PTTG1IP2: variants seen among roughly 807,000 people sequenced by gnomAD.
The protein encoded by PTTG1IP2 is PTTG1IP family member 2.
chr7:90,511,683 G>C (rs1025536835), intron 6 of PTTG1IP2, among the ~76,000 whole-genome samples: 1 of 152,038 alleles, frequency 6.6e-6, no homozygotes, highest in African/African-American at 2.4e-5. Context: ...TTGCCAGCTC[G>C]CTTTACTTTT....
At chr7:90,486,261 T>G (rs774555451) in intron 2 of PTTG1IP2, among the ~76,000 whole-genome samples, 10 of 152,152 alleles carry the variant, frequency 6.6e-5, no homozygotes, top group Non-Finnish European at 1.3e-4. Flanking sequence ...GCTCCCCTAT[T>G]TACTAGGTAT....
intron 6 of PTTG1IP2, among the ~76,000 whole-genome samples, chr7:90,505,783 G>T (rs1486652571): frequency 6.6e-6 from 1 of 151,744 alleles, no homozygotes; most frequent in African/African-American, 2.4e-5. Flanking sequence ...AGGAGATCGA[G>T]ACCATCCTGG....
chr7:90,476,507 A>T (rs887378614), intron 1 of PTTG1IP2, among the ~76,000 whole-genome samples: 8 of 152,170 alleles, frequency 5.3e-5, no homozygotes, highest in African/African-American at 1.7e-4. Context: ...AAATTTTTAA[A>T]ATAACAGCTC....
rs1210306583 is a variant in PTTG1IP2 at position 90,487,388 on chromosome 7, G to A, written c.254G>A (p.Arg85Gln). 3 of 152,478 alleles carry A rather than the reference G, an allele frequency of 2.0e-5. No homozygotes were observed. The highest frequency in any genetic ancestry group is 4.8e-5 in the African/African-American group (2 of 41,398). 9.4% of individuals were successfully genotyped at this position (152,478 alleles called of 1,614,324 possible). ...TACTGTTTTCCCTATTTCGGTTGTC[G>A]ATTCAGTTCTATATATTGGTTAAAC... ...KKYCFPYFGCRFSSIYWLNCK... is the reference protein window; with the variant it reads ...KKYCFPYFGCQFSSIYWLNCK... Residue 85 changes from arginine to glutamine, a missense_variant, in exon 3 of 7, where the codon CGA becomes CAA. Coordinates refer to ENST00000509356, the MANE Select transcript of PTTG1IP2 (RefSeq NM_001365443.2).
chr7:90,497,358 A>T (rs551677481), intron 6 of PTTG1IP2, among the ~76,000 whole-genome samples: 1 of 152,132 alleles, frequency 6.6e-6, no homozygotes, highest in Non-Finnish European at 1.5e-5. Flanking sequence ...AGGTCAGGAG[A>T]TCGAGACCAT....
chr7:90,491,493 C>T (rs773394607), intron 4 of PTTG1IP2, among the ~76,000 whole-genome samples: 4 of 151,716 alleles, frequency 2.6e-5, no homozygotes, highest in African/African-American at 9.7e-5. Context: ...CGTGGTGGCA[C>T]GCACCTATGG....
chr7:90,475,820 G>A (rs780174537), intron 1 of PTTG1IP2, among the ~76,000 whole-genome samples: 3 of 152,000 alleles, frequency 2.0e-5, no homozygotes, highest in Non-Finnish European at 2.9e-5. Context: ...TTAGCCAGGC[G>A]TGGTGGTGCA....
chr7:90,488,337 A>G (rs889987785), intron 3 of PTTG1IP2, among the ~76,000 whole-genome samples: 8 of 148,900 alleles, frequency 5.4e-5, no homozygotes, highest in Non-Finnish European at 1.2e-4. Flanking sequence ...CTCCTATTTC[A>G]TGTTTGCCCT....
intron 1 of PTTG1IP2, among the ~76,000 whole-genome samples, chr7:90,475,391 T>A (rs1797736325): frequency 6.6e-6 from 1 of 152,164 alleles, no homozygotes; most frequent in South Asian, 2.1e-4. Flanking sequence ...ACACTATAAT[T>A]AGTATTCTCA....
At chr7:90,479,130 C>G (rs889609660) in intron 1 of PTTG1IP2, 98 bp from the exon 2 acceptor site, 2 of 152,360 alleles carry the variant, frequency 1.3e-5, no homozygotes, top group African/African-American at 4.8e-5. Context: ...ATGACTATGG[C>G]TTAAAACAGG....
chr7:90,473,701 T>G (rs1476936819), intron 1 of PTTG1IP2, among the ~76,000 whole-genome samples: 1 of 152,172 alleles, frequency 6.6e-6, no homozygotes, highest in Non-Finnish European at 1.5e-5. Flanking sequence ...CCACCAAATC[T>G]GAGTGAATAG....
At chr7:90,487,141 C>G (rs10266826) in intron 2 of PTTG1IP2, among the ~76,000 whole-genome samples, 186 bp from the exon 3 acceptor site, 100 of 152,262 alleles carry the variant, frequency 6.6e-4, no homozygotes, top group African/African-American at 2.2e-3. Flanking sequence ...AAACTTTTTG[C>G]AGCTGAGGTT....
At chr7:90,512,899 T>G (rs974335049) in intron 6 of PTTG1IP2, among the ~76,000 whole-genome samples, 1 of 152,232 alleles carries the variant, frequency 6.6e-6, no homozygotes, top group Admixed American at 6.5e-5. Context: ...GAATAGATGG[T>G]TTCTTTACTG....
chr7:90,494,680 G>A (rs565744952), intron 6 of PTTG1IP2, among the ~76,000 whole-genome samples: 6 of 152,252 alleles, frequency 3.9e-5, no homozygotes, highest in Admixed American at 3.9e-4. Context: ...CCAGGAGTTC[G>A]AGACTAGCCC....
intron 2 of PTTG1IP2, among the ~76,000 whole-genome samples, chr7:90,481,002 AT>A (rs1435235717): frequency 6.6e-6 from 1 of 152,206 alleles, no homozygotes; most frequent in East Asian, 1.9e-4. Context: ...ATAATTAGAT[AT>A]AAAGGCTTTA....
At chr7:90,506,435 C>T (rs933962159) in intron 6 of PTTG1IP2, among the ~76,000 whole-genome samples, 1 of 151,960 alleles carries the variant, frequency 6.6e-6, no homozygotes, top group Non-Finnish European at 1.5e-5. Flanking sequence ...GATTAATTTC[C>T]ATTAATTCTT....
chr7:90,499,760 T>C (rs1195181994), intron 6 of PTTG1IP2, among the ~76,000 whole-genome samples: 1 of 152,018 alleles, frequency 6.6e-6, no homozygotes, highest in African/African-American at 2.4e-5. Context: ...ATTTTTGTGT[T>C]TTTAGTAGAA....
rs150402904 is a variant in PTTG1IP2 at position 90,483,170 on chromosome 7, G to A, written c.192+3896G>A. 1.4e-3 allele frequency among the ~76,000 whole-genome samples: 219 copies of A among 152,212 alleles called. 2 individuals carry two copies. Among genetic ancestry groups the A allele is most frequent in the Middle Eastern group, 3.4e-3 (1 of 294 alleles). ...GTCCTTCAGCTGGAATAAATATATG[G>A]ACAACCAGTATCGTGGATTATTTCC... On this transcript the variant is annotated intron_variant, in intron 2 of 6. Transcript: ENST00000509356.
chr7:90,508,223 C>T (rs772994114), intron 6 of PTTG1IP2, among the ~76,000 whole-genome samples: 7 of 148,778 alleles, frequency 4.7e-5, no homozygotes, highest in Admixed American at 6.7e-5. Context: ...GCTGAGATTG[C>T]GCCACTGCCT....
Sources: gnomAD v4.1 joint callset for allele counts (sites outside exome capture counted in the v4.1 genomes callset) on GRCh38, gnomAD v4.1.1 for gene constraint, MANE v1.5 for transcripts, NCBI Gene and HGNC (gene_info 2026-07-23, HGNC 2026-07-21) for gene names.